Variants in PTGES3L observed in about 807,000 individuals in gnomAD.
The protein encoded by PTGES3L is putative protein PTGES3L.
PTGES3L carries 17 observed loss-of-function variants against 25.0 expected under a neutral mutation model. The ratio of observed to expected loss-of-function variants is 0.68; its 90% CI spans 0.47 to 1.02. The LOEUF is 1.02. Ranked by LOEUF, PTGES3L falls within the 50% of genes least tolerant of loss-of-function variation. The pLI, the probability that PTGES3L is intolerant of heterozygous loss-of-function variation, is 0.00. For missense variants in PTGES3L, 202 were observed against 197.5 expected (o/e 1.02, Z -0.14); for synonymous variants, 59 against 65.7 (o/e 0.90, Z 0.50).
Position 42,970,472 on chromosome 17 carries a change from C to G in PTGES3L, c.379-130G>C, listed in dbSNP as rs747660760. On this transcript the variant is annotated intron_variant, in intron 5 of 6. Transcript: ENST00000591916. ...AACTGCTCCCATCTTTAAAACATCA[C>G]TGGAATTAATTTGAGAAAAGTAAAT... 1.3e-4 allele frequency: 125 copies of G among 940,438 alleles called. No homozygotes were observed. The Middle Eastern group carries it at 3.4e-3, about 26-fold the overall frequency. 58.3% of individuals were successfully genotyped at this position (940,438 alleles called of 1,614,324 possible).
intron 4 of PTGES3L, among the ~76,000 whole-genome samples, chr17:42,977,428 A>AT (rs2049974435): frequency 6.7e-6 from 1 of 150,032 alleles, no homozygotes; most frequent in African/African-American, 2.5e-5. Context: ...TCTATCTCAA[A>AT]AAAAAAAAAA....
intron 4 of PTGES3L, 134 bp from the exon 5 acceptor site, chr17:42,971,830 C>T (rs1368421457): frequency 2.8e-6 from 2 of 724,962 alleles, no homozygotes; most frequent in Non-Finnish European, 2.3e-6. Context: ...CAACTGCACT[C>T]CTTTGACCAG....
chr17:42,975,636 C>T (rs80089390), intron 4 of PTGES3L, among the ~76,000 whole-genome samples: 8,842 of 152,142 alleles, frequency 0.058, 368 homozygotes, highest in Non-Finnish European at 0.083. Flanking sequence ...CTCTAGGCAT[C>T]TGGGGATGTG....
At chr17:42,969,385 A>G (rs1383800200) in intron 6 of PTGES3L, among the ~76,000 whole-genome samples, 199 bp from the exon 7 acceptor site, 1 of 148,412 alleles carries the variant, frequency 6.7e-6, no homozygotes, top group Non-Finnish European at 1.5e-5. Flanking sequence ...TTTGTCATAC[A>G]TCATTAGTTT....
At chr17:42,978,077 C>CAAAA (rs368420097) in intron 4 of PTGES3L, among the ~76,000 whole-genome samples, 5,813 of 47,346 alleles carry the variant, frequency 0.12, 1,080 homozygotes, top group Admixed American at 0.17. Context: ...AACTCCGAAT[C>CAAAA]AAAAAAAAAA....
At chr17:42,973,046 C>T (rs1309110926) in intron 4 of PTGES3L, among the ~76,000 whole-genome samples, 8 of 140,724 alleles carry the variant, frequency 5.7e-5, no homozygotes, top group African/African-American at 1.6e-4. Flanking sequence ...CGTCTCTGCC[C>T]GGCCGCCCCG....
chr17:42,979,180 T>G lies in PTGES3L; in HGVS notation c.278A>C (p.Glu93Ala). 6.2e-7 allele frequency: 1 copy of G among 1,614,038 alleles called. No homozygotes were observed. The highest frequency in any genetic ancestry group is 1.1e-5 in the South Asian group (1 of 91,078). Residue 93 changes from glutamate (E) to alanine (A), a missense_variant, in exon 4 of 7, where the codon GAG becomes GCG. By Grantham distance (107) the Glu-to-Ala change is moderately radical (BLOSUM62 -1). Coordinates refer to ENST00000591916, the MANE Select transcript of PTGES3L (RefSeq NM_001261430.2). The part of the protein sequence containing the change: ...EKVAWPRLTK[E>A]DIKPVWLSVD... ...TTTCCACACACCCACCTTGATATCC[T>G]CCTTGGTAAGCCGCGGCCAGGCCAC...
intron 5 of PTGES3L, 63 bp downstream of exon 5, chr17:42,971,544 A>G (rs941406297): frequency 3.8e-6 from 6 of 1,582,018 alleles, no homozygotes; most frequent in African/African-American, 2.7e-5. Context: ...CTCCAGAGAC[A>G]TGTGTGCAGA....
intron 5 of PTGES3L, among the ~76,000 whole-genome samples, chr17:42,971,072 T>C (rs967833847): frequency 4.7e-5 from 7 of 150,014 alleles, no homozygotes; most frequent in Non-Finnish European, 7.4e-5. Flanking sequence ...GTGAGGCAGG[T>C]GGATCACCTG....
At position 42,971,166 on chromosome 17, in the gene PTGES3L, G is replaced by A. The variant is rs566344815; in HGVS notation, c.378+441C>T. Among the ~76,000 whole-genome samples, 3 of 152,126 alleles carry A rather than the reference G, an allele frequency of 2.0e-5. No individual in the cohort carries two copies. In the East Asian group the frequency reaches 5.8e-4, roughly 29 times the overall value. ...AATACAAAAATTATCCAGAAGTGGT[G>A]GTGGGCACCTGTAATCCCAGCTACT... On this transcript the variant is annotated intron_variant, in intron 5 of 6. Transcript: ENST00000591916.
chr17:42,973,267 A>G (rs1192923737), intron 4 of PTGES3L, among the ~76,000 whole-genome samples: 7 of 147,296 alleles, frequency 4.8e-5, no homozygotes, highest in Non-Finnish European at 4.5e-5. Context: ...CCGCCCGGCC[A>G]GCCGCCCCGT....
chr17:42,979,108 A>G, intron 4 of PTGES3L, 62 bp downstream of exon 4: 1 of 1,583,730 alleles, frequency 6.3e-7, no homozygotes, highest in South Asian at 1.1e-5. Context: ...GGAGGCAAGG[A>G]CAATCCCAGC....
At chr17:42,970,199 G>A in intron 6 of PTGES3L, 90 bp downstream of exon 6, 1 of 1,494,250 alleles carries the variant, frequency 6.7e-7, no homozygotes, top group Non-Finnish European at 9.2e-7. Context: ...GAGAACTACT[G>A]TGTGCTAGGA....
intron 6 of PTGES3L, among the ~76,000 whole-genome samples, chr17:42,969,738 C>T (rs1597733547): frequency 6.6e-6 from 1 of 152,084 alleles, no homozygotes; most frequent in South Asian, 2.1e-4. Context: ...TTGCTCCTTA[C>T]AGCTGGGGTA....
intron 4 of PTGES3L, among the ~76,000 whole-genome samples, chr17:42,972,381 G>A (rs2049859575): frequency 1.6e-5 from 2 of 128,426 alleles, no homozygotes; most frequent in Admixed American, 1.9e-4. Context: ...CTCTCATGCG[G>A]AGCCGAAGCT....
chr17:42,978,299 C>T (rs2050000011), intron 4 of PTGES3L, among the ~76,000 whole-genome samples: 1 of 151,640 alleles, frequency 6.6e-6, no homozygotes, highest in Admixed American at 6.6e-5. Context: ...CCCAGCTACT[C>T]AGGAGGCTGA....
intron 4 of PTGES3L, among the ~76,000 whole-genome samples, chr17:42,978,077 C>CAAAAAAAAAAAAAAAAAAAAAA (rs368420097): frequency 2.1e-5 from 1 of 47,402 alleles, no homozygotes; most frequent in Non-Finnish European, 3.4e-5. Flanking sequence ...AACTCCGAAT[C>CAAAAAAAAAAAAAAAAAAAAAA]AAAAAAAAAA....
chr17:42,970,123 C>T (rs531983180), intron 6 of PTGES3L, among the ~76,000 whole-genome samples, 166 bp downstream of exon 6: 3 of 152,066 alleles, frequency 2.0e-5, no homozygotes, highest in Non-Finnish European at 2.9e-5. Flanking sequence ...TGAAACTCCT[C>T]CCCCACCCCC....
chr17:42,977,629 AAAAG>A (rs138415855), intron 4 of PTGES3L, among the ~76,000 whole-genome samples: 45,043 of 134,288 alleles, frequency 0.34, 8,221 homozygotes, highest in African/African-American at 0.47. Context: ...GAAAAGAAGA[AAAAG>A]AAAGAAAGAG....
Sources: gnomAD v4.1 joint callset for allele counts (sites outside exome capture counted in the v4.1 genomes callset) on GRCh38, gnomAD v4.1.1 for gene constraint, MANE v1.5 for transcripts, NCBI Gene and HGNC (gene_info 2026-07-23, HGNC 2026-07-21) for gene names.